KCTD8: variants seen among roughly 807,000 people sequenced by gnomAD.
KCTD8 encodes BTB/POZ domain-containing protein KCTD8.
A neutral mutation model predicts 31.5 loss-of-function variants in KCTD8; 27 were observed. The ratio of observed to expected loss-of-function variants is 0.86; its 90% confidence interval spans 0.63 to 1.18. The LOEUF is 1.18. Ranked by LOEUF, KCTD8 falls within the 50% of genes most tolerant of loss-of-function variation. The pLI, the probability that KCTD8 is intolerant of heterozygous loss-of-function variation, is 0.00. For synonymous variants in KCTD8, 290 were observed against 280.0 expected, an observed-to-expected ratio of 1.04 and a Z score of -0.36; for missense variants, 658 against 647.7, an observed-to-expected ratio of 1.02 and a Z score of -0.17.
In KCTD8 at chr4:44,302,556, G is replaced by C. The variant is rs557427713; in HGVS notation, c.962-127306C>G. ...GTGTATAAGAATGCTTGTGATTTTT[G>C]TACATTGATTTTGTATCCTGAGACT... On this transcript the variant is annotated intron_variant, in intron 1 of 1. Coordinates refer to ENST00000360029, the MANE Select transcript of KCTD8 (RefSeq NM_198353.3). Among the ~76,000 whole-genome samples, 8 of 151,998 alleles carry C rather than the reference G, an allele frequency of 5.3e-5. No individual in the cohort carries two copies. In the East Asian group the frequency reaches 1.4e-3, roughly 26 times the overall value.
At position 44,412,170 on chromosome 4, in the gene KCTD8, A is replaced by G. The variant is rs573612790; in HGVS notation, c.961+35393T>C. 3.3e-4 allele frequency among the ~76,000 whole-genome samples: 50 copies of G among 152,328 alleles called. 1 individual carries two copies. The highest frequency in any genetic ancestry group is 2.6e-3 in the Admixed American group (40 of 15,288). ...CCAACTGAGAAGAGATCTTGTTTAC[A>G]TTAAAAAACCAACAAACTAATCCAC... On this transcript the variant is annotated intron_variant, in intron 1 of 1. Coordinates refer to ENST00000360029, the MANE Select transcript of KCTD8 (RefSeq NM_198353.3).
intron 1 of KCTD8, among the ~76,000 whole-genome samples, chr4:44,341,293 G>C (rs570991814): frequency 6.6e-6 from 1 of 152,180 alleles, no homozygotes; most frequent in African/African-American, 2.4e-5. Flanking sequence ...ATGTTGATGG[G>C]TGCAGACTGA....
intron 1 of KCTD8, among the ~76,000 whole-genome samples, chr4:44,284,550 A>G (rs1479400398): frequency 5.3e-5 from 8 of 152,222 alleles, no homozygotes; most frequent in Admixed American, 4.6e-4. Flanking sequence ...ACCATTCAGG[A>G]TGTAGGCATG....
chr4:44,244,048 T>C (rs559101187), intron 1 of KCTD8, among the ~76,000 whole-genome samples: 2 of 152,304 alleles, frequency 1.3e-5, no homozygotes, highest in South Asian at 4.1e-4. Context: ...CCAGATAAAA[T>C]ACAAAATGTC....
chr4:44,417,178 C>A (rs1475091077), intron 1 of KCTD8, among the ~76,000 whole-genome samples: 1 of 152,182 alleles, frequency 6.6e-6, no homozygotes, highest in East Asian at 1.9e-4. Context: ...TTATTGGGAG[C>A]TTTAAGTACT....
At chr4:44,407,386 T>C (rs1428302593) in intron 1 of KCTD8, among the ~76,000 whole-genome samples, 1 of 151,764 alleles carries the variant, frequency 6.6e-6, no homozygotes, top group Non-Finnish European at 1.5e-5. Context: ...TTTCTCTTTT[T>C]TTCTTTTTTT....
At chr4:44,184,794 A>G (rs1159484229) in intron 1 of KCTD8, among the ~76,000 whole-genome samples, 1 of 152,196 alleles carries the variant, frequency 6.6e-6, no homozygotes, top group Non-Finnish European at 1.5e-5. Context: ...TTTGATGTCC[A>G]CAGAGTAGTA....
At chr4:44,231,237 C>G (rs1417836195) in intron 1 of KCTD8, among the ~76,000 whole-genome samples, 1 of 152,128 alleles carries the variant, frequency 6.6e-6, no homozygotes, top group Admixed American at 6.6e-5. Flanking sequence ...ATTTCTCCCC[C>G]CAGGCCCTAT....
At chr4:44,319,103 G>A (rs944755563) in intron 1 of KCTD8, among the ~76,000 whole-genome samples, 1 of 152,128 alleles carries the variant, frequency 6.6e-6, no homozygotes, top group Non-Finnish European at 1.5e-5. Context: ...AGTATGTTAG[G>A]TATTAGCTAA....
chr4:44,177,536 T>C (rs1713254482), intron 1 of KCTD8, among the ~76,000 whole-genome samples: 1 of 152,158 alleles, frequency 6.6e-6, no homozygotes, highest in South Asian at 2.1e-4. Flanking sequence ...AATTGAATCA[T>C]GGGGTTGGGT....
intron 1 of KCTD8, among the ~76,000 whole-genome samples, chr4:44,446,083 C>T (rs541735894): frequency 6.6e-6 from 1 of 152,272 alleles, no homozygotes; most frequent in South Asian, 2.1e-4. Flanking sequence ...AAACCGTTGT[C>T]TCAAGAAATC....
At chr4:44,266,675 C>A (rs1716378768) in intron 1 of KCTD8, among the ~76,000 whole-genome samples, 1 of 151,082 alleles carries the variant, frequency 6.6e-6, no homozygotes, top group South Asian at 2.1e-4. Flanking sequence ...CACACATAGG[C>A]TCAAAATAAA....
At chr4:44,376,968 C>T (rs112342887) in intron 1 of KCTD8, among the ~76,000 whole-genome samples, 1 of 152,114 alleles carries the variant, frequency 6.6e-6, no homozygotes, top group African/African-American at 2.4e-5. Flanking sequence ...AGAAATAATC[C>T]TTGAGAAAAG....
intron 1 of KCTD8, among the ~76,000 whole-genome samples, chr4:44,403,101 T>C (rs181115041): frequency 2.6e-5 from 4 of 152,240 alleles, no homozygotes; most frequent in Admixed American, 1.3e-4. Flanking sequence ...CATCAACACA[T>C]GATCAAAACT....
intron 1 of KCTD8, among the ~76,000 whole-genome samples, chr4:44,352,227 G>T (rs1000884657): frequency 3.9e-5 from 6 of 151,902 alleles, no homozygotes; most frequent in Admixed American, 2.6e-4. Context: ...ATTCCTCAGT[G>T]GTCTGTTTGG....
chr4:44,197,629 C>T (rs1313672819), intron 1 of KCTD8, among the ~76,000 whole-genome samples: 3 of 152,118 alleles, frequency 2.0e-5, no homozygotes, highest in African/African-American at 2.4e-5. Context: ...CTGTACAGAG[C>T]CTTGGCCTTC....
At chr4:44,416,134 G>A (rs1721074303) in intron 1 of KCTD8, among the ~76,000 whole-genome samples, 3 of 152,220 alleles carry the variant, frequency 2.0e-5, no homozygotes, top group African/African-American at 7.2e-5. Flanking sequence ...TTATTTTCGA[G>A]CTATAAGATT....
chr4:44,281,760 G>A (rs990270545), intron 1 of KCTD8, among the ~76,000 whole-genome samples: 1 of 152,106 alleles, frequency 6.6e-6, no homozygotes, highest in African/African-American at 2.4e-5. Flanking sequence ...AACTTTAATA[G>A]CATGGCACTG....
At chr4:44,242,187 CTG>C (rs1715522021) in intron 1 of KCTD8, among the ~76,000 whole-genome samples, 1 of 152,180 alleles carries the variant, frequency 6.6e-6, no homozygotes, top group Admixed American at 6.5e-5. Context: ...AATGTATTAA[CTG>C]TATTATATTA....
Sources: gnomAD v4.1 joint callset for allele counts (sites outside exome capture counted in the v4.1 genomes callset) on GRCh38, gnomAD v4.1.1 for gene constraint, MANE v1.5 for transcripts, NCBI Gene and HGNC (gene_info 2026-07-23, HGNC 2026-07-21) for gene names.